NLRP7: variants seen among roughly 807,000 people sequenced by gnomAD.
NLRP7 encodes the protein NACHT, LRR and PYD domains-containing protein 7.
Under a neutral mutation model 85.5 loss-of-function variants are expected in NLRP7, and 72 were observed. The ratio of observed to expected loss-of-function variants is 0.84; its 90% confidence interval spans 0.70 to 1.02. The LOEUF is 1.02. NLRP7 is among the 50% of genes least tolerant of loss of function. The pLI is 0.00. For missense variants in NLRP7, 1,243 were observed against 1,219.5 expected (o/e 1.02, Z -0.29); for synonymous variants, 550 against 505.2 (o/e 1.09, Z -1.19).
At chr19:54,964,365 C>T (rs1317000658) in intron 1 of NLRP7, among the ~76,000 whole-genome samples, 5 of 149,408 alleles carry the variant, frequency 3.3e-5, no homozygotes, top group African/African-American at 9.8e-5. Context: ...TACAGGTGCC[C>T]GCCACCACGC....
intron 1 of NLRP7, among the ~76,000 whole-genome samples, chr19:54,963,697 G>A (rs1018449097): frequency 1.3e-5 from 2 of 151,362 alleles, no homozygotes; most frequent in African/African-American, 2.4e-5. Flanking sequence ...AGTGGCACGC[G>A]CCTGTAATCC....
intron 1 of NLRP7, among the ~76,000 whole-genome samples, chr19:54,956,788 C>A (rs1404045746): frequency 6.6e-6 from 1 of 151,482 alleles, no homozygotes; most frequent in African/African-American, 2.4e-5. Context: ...CAACACCACG[C>A]CTTCTAATTT....
exon 4 of NLRP7, chr19:54,940,074 G>C: frequency 1.2e-6 from 2 of 1,614,202 alleles, no homozygotes; most frequent in Non-Finnish European, 1.7e-6. Flanking sequence ...ACCACGAACA[G>C]GATTCTCTGT....
chr19:54,927,611 ATCT>A (rs2068501272), intron 9 of NLRP7: 2 of 1,614,014 alleles, frequency 1.2e-6, no homozygotes, highest in African/African-American at 1.3e-5. Context: ...ATACCTGAGT[ATCT>A]TCAAGGATCC....
At chr19:54,939,860 C>T (rs1161904049) in exon 4 of NLRP7, 1 of 1,613,952 alleles carries the variant, frequency 6.2e-7, no homozygotes, top group African/African-American at 1.3e-5. Context: ...GCCCTCCACC[C>T]TTACGTAGAT....
At chr19:54,941,866 A>G (rs2069244989) in intron 1 of NLRP7, 116 bp from the exon 2 acceptor site, 1 of 822,120 alleles carries the variant, frequency 1.2e-6, no homozygotes, top group Non-Finnish European at 1.8e-6. Context: ...AAAATATTCC[A>G]AAGACTGAAT....
At position 54,936,407 on chromosome 19, in the gene NLRP7, G is replaced by A. The variant is rs372489727; in HGVS notation, c.2154C>T (p.Thr718=). The A allele has an allele frequency of 1.0e-4, 162 of 1,613,950 alleles. No individual in the cohort carries two copies. The highest frequency in any genetic ancestry group is 1.2e-4 in the Admixed American group (7 of 59,984). ...AAGCAAGACAGAAGTCCCGGTACGC[G>A]GTGTCAGGGGTGACGTTTTTAATCC... The change falls in exon 6 of 10, where the codon ACC becomes ACT. Residue 718 remains threonine (T), a synonymous_variant. Coordinates refer to ENST00000340844, the Ensembl canonical transcript of NLRP7.
At chr19:54,953,344 G>A (rs1476380138) in intron 1 of NLRP7, 6 of 152,362 alleles carry the variant, frequency 3.9e-5, no homozygotes, top group Non-Finnish European at 7.3e-5. Context: ...GCGTGAGAGG[G>A]TCGTGATCGA....
At chr19:54,931,734 T>C (rs1192048275) in intron 8 of NLRP7, among the ~76,000 whole-genome samples, 2 of 147,924 alleles carry the variant, frequency 1.4e-5, no homozygotes, top group African/African-American at 5.0e-5. Flanking sequence ...CCTGTAATCC[T>C]AGCTACTCAG....
At position 54,933,791 on chromosome 19, in the gene NLRP7, C is replaced by T. The variant is rs747770493; in HGVS notation, c.2472-52G>A. On this transcript the variant is annotated intron_variant, in intron 7 of 9. Coordinates refer to ENST00000340844, the Ensembl canonical transcript of NLRP7. ...AAGGATGAGAACATTTCCACAACTCCAACCTGCTCAGTGATGTCCACATGC... is the reference window on the plus strand; with the variant it reads ...AAGGATGAGAACATTTCCACAACTCTAACCTGCTCAGTGATGTCCACATGC... 2.6e-5 allele frequency: 38 copies of T among 1,488,760 alleles called. No individual in the cohort carries two copies. The Middle Eastern group carries it at 5.1e-4, about 20-fold the overall frequency. The allele number at this position is 1,488,760 out of a possible 1,614,324, so 92.2% of individuals were successfully genotyped here. A position where few individuals can be genotyped will look rare whatever the true frequency, so the allele number is the denominator to read the frequency against.
intron 2 of NLRP7, 48 bp downstream of exon 2, chr19:54,941,381 CAAAAAA>C (rs55704982): frequency 1.8e-4 from 122 of 684,828 alleles, no homozygotes; most frequent in South Asian, 5.7e-4. Context: ...GACTCCATCT[CAAAAAA>C]AAAAAAAAAA....
At position 54,938,996 on chromosome 19, in the gene NLRP7, G is replaced by C. The variant is rs199475830; in HGVS notation, c.1823C>G (p.Ser608Cys). Residue 608 changes from serine (S) to cysteine (C), a missense_variant, in exon 4 of 10, where the codon TCC (serine) becomes TGC (cysteine). By Grantham distance (112) the Ser-to-Cys change is moderately radical. Around this residue, in one of 3 missense-constraint regions of NLRP7, gnomAD observed 613 missense variants for 588.4 expected, o/e 1.04. Coordinates refer to ENST00000340844, the Ensembl canonical transcript of NLRP7. ...GTCTTGACAATGCTTCAGGCTGAAG[G>C]AACAATGCATCACTTCAGAAGTATT... The C allele has an allele frequency of 3.9e-5, 63 of 1,614,154 alleles. No individual in the cohort carries two copies. The South Asian group carries it at 6.5e-4, about 17-fold the overall frequency.
intron 1 of NLRP7, among the ~76,000 whole-genome samples, chr19:54,960,706 C>T (rs963895299): frequency 6.6e-6 from 1 of 152,088 alleles, no homozygotes; most frequent in African/African-American, 2.4e-5. Context: ...CGCCATTCTC[C>T]TGCCTCAGCC....
chr19:54,941,568 C>G (rs1041196485), exon 2 of NLRP7: 1 of 1,613,978 alleles, frequency 6.2e-7, no homozygotes, highest in Non-Finnish European at 8.5e-7. Flanking sequence ...TGCCATCAGC[C>G]TCTTCCACCT....
intron 1 of NLRP7, among the ~76,000 whole-genome samples, chr19:54,962,846 G>A (rs540233053): frequency 1.6e-4 from 24 of 151,488 alleles, no homozygotes; most frequent in South Asian, 6.3e-4. Context: ...TGATCCGCCC[G>A]CCTCGGCCTC....
At chr19:54,956,152 G>C (rs774060577) in intron 1 of NLRP7, among the ~76,000 whole-genome samples, 9 of 139,916 alleles carry the variant, frequency 6.4e-5, no homozygotes, top group Non-Finnish European at 1.2e-4. Context: ...AGGAGGGAAG[G>C]AGGGAAGGAG....
exon 4 of NLRP7, chr19:54,939,795 G>C (rs1449490764): frequency 1.2e-6 from 2 of 1,613,998 alleles, no homozygotes; most frequent in African/African-American, 1.3e-5. Flanking sequence ...CGCATGGCTT[G>C]GTCCTCGTCT....
At chr19:54,956,270 C>T (rs1297283960) in intron 1 of NLRP7, among the ~76,000 whole-genome samples, 1 of 152,128 alleles carries the variant, frequency 6.6e-6, no homozygotes, top group Non-Finnish European at 1.5e-5. Context: ...CTGATGCTGT[C>T]CCCAGGTAGG....
At position 54,962,700 on chromosome 19, in the gene NLRP7, C is replaced by T. The variant is rs1331090370; in HGVS notation, c.-77+3340G>A. Among the ~76,000 whole-genome samples, 51 of 150,956 alleles carry T rather than the reference C, an allele frequency of 3.4e-4. 1 individual carries two copies. Among genetic ancestry groups the T allele is most frequent in the Non-Finnish European group, 8.9e-5 (6 of 67,664 alleles). On this transcript the variant is annotated intron_variant, in intron 1 of 2. Coordinates refer to the NLRP7 transcript ENST00000587103. ...CTGCAAGCTCCGCCTCCCGGGTTCA[C>T]GCCATTCTCCTGCCTCAGCCTCCCG... is the stretch of plus-strand genomic sequence containing the variant.
Sources: allele counts gnomAD v4.1 joint callset (sites outside exome capture counted in the v4.1 genomes callset), GRCh38; gene constraint gnomAD v4.1.1; regional missense constraint gnomAD v4.1.1; transcripts MANE v1.5; gene names NCBI Gene and HGNC (gene_info 2026-07-23, HGNC 2026-07-21).